KCNQ5: variants seen among roughly 807,000 people sequenced by gnomAD.
The protein encoded by KCNQ5 is potassium voltage-gated channel subfamily Q member 5.
A neutral mutation model predicts 98.2 loss-of-function variants in KCNQ5; 30 were observed. The ratio of observed to expected loss-of-function variants is 0.31; its 90% CI spans 0.23 to 0.41. The LOEUF is 0.41. KCNQ5 is among the 10% of genes least tolerant of loss of function. The pLI is 1.00. For synonymous variants in KCNQ5, 458 were observed against 449.4 expected, an observed-to-expected ratio of 1.02 and a Z score of -0.24; for missense variants, 835 against 1,182.5, an observed-to-expected ratio of 0.71 and a Z score of 4.31.
At chr6:72,862,402 CT>C (rs1009895052) in intron 1 of KCNQ5, among the ~76,000 whole-genome samples, 1 of 152,172 alleles carries the variant, frequency 6.6e-6, no homozygotes, top group African/African-American at 2.4e-5. Context: ...AAATAACTTG[CT>C]TCCTCATTAT....
At chr6:72,706,005 T>C (rs1270087376) in intron 1 of KCNQ5, among the ~76,000 whole-genome samples, 1 of 152,116 alleles carries the variant, frequency 6.6e-6, no homozygotes, top group Non-Finnish European at 1.5e-5. Flanking sequence ...CATAAATTGA[T>C]TTTGCAATAA....
chr6:73,018,693 G>C (rs1770459872), intron 2 of KCNQ5, among the ~76,000 whole-genome samples: 1 of 152,086 alleles, frequency 6.6e-6, no homozygotes, highest in Admixed American at 6.6e-5. Context: ...AGTTAAATCA[G>C]GTGGAGAATG....
At chr6:73,008,352 A>G (rs1426040694) in intron 2 of KCNQ5, among the ~76,000 whole-genome samples, 2 of 152,178 alleles carry the variant, frequency 1.3e-5, no homozygotes, top group Non-Finnish European at 2.9e-5. Context: ...AACTGTGTAT[A>G]TGCTTAGTAC....
intron 3 of KCNQ5, among the ~76,000 whole-genome samples, chr6:73,047,192 T>C (rs1180805904): frequency 6.6e-6 from 1 of 152,242 alleles, no homozygotes; most frequent in East Asian, 1.9e-4. Flanking sequence ...GATACTATTA[T>C]GCTTATCATT....
At chr6:72,829,682 T>A (rs942763233) in intron 1 of KCNQ5, among the ~76,000 whole-genome samples, 2 of 152,070 alleles carry the variant, frequency 1.3e-5, no homozygotes, top group African/African-American at 4.8e-5. Flanking sequence ...GCCATAGAGG[T>A]TCTAGGAGAA....
intron 1 of KCNQ5, among the ~76,000 whole-genome samples, chr6:72,831,376 A>G (rs1776259546): frequency 6.6e-6 from 1 of 152,228 alleles, no homozygotes; most frequent in Admixed American, 6.5e-5. Context: ...TAGCACATAT[A>G]CACCATGGAA....
intron 1 of KCNQ5, among the ~76,000 whole-genome samples, chr6:72,651,015 A>G (rs55826353): frequency 0.13 from 19,602 of 152,056 alleles, 1,457 homozygotes; most frequent in Non-Finnish European, 0.18. Flanking sequence ...AATGCAGGAG[A>G]TAATATTTTG....
intron 1 of KCNQ5, among the ~76,000 whole-genome samples, chr6:72,684,501 T>C (rs1767856134): frequency 6.6e-6 from 1 of 152,264 alleles, no homozygotes; most frequent in African/African-American, 2.4e-5. Flanking sequence ...GACTTGCCTC[T>C]GCCACCTGGG....
intron 11 of KCNQ5, among the ~76,000 whole-genome samples, chr6:73,173,532 T>C (rs1296586112): frequency 6.6e-6 from 1 of 152,214 alleles, no homozygotes; most frequent in East Asian, 1.9e-4. Context: ...ATCTGGCTAA[T>C]TGGGACTATC....
intron 1 of KCNQ5, among the ~76,000 whole-genome samples, chr6:72,778,078 AGAGT>A (rs1204763937): frequency 6.6e-6 from 1 of 152,162 alleles, no homozygotes; most frequent in Non-Finnish European, 1.5e-5. Flanking sequence ...TTTTTCAAGG[AGAGT>A]CTCTAGCATA....
intron 10 of KCNQ5, among the ~76,000 whole-genome samples, chr6:73,138,308 A>T (rs1776554818): frequency 2.0e-5 from 3 of 152,238 alleles, no homozygotes; most frequent in Admixed American, 6.5e-5. Context: ...AAAATCCACA[A>T]GAATGATACT....
chr6:72,936,303 T>C (rs562758039), intron 1 of KCNQ5, among the ~76,000 whole-genome samples: 1 of 152,364 alleles, frequency 6.6e-6, no homozygotes, highest in South Asian at 2.1e-4. Flanking sequence ...TTTTACTCAC[T>C]TTTTTATTTT....
intron 1 of KCNQ5, among the ~76,000 whole-genome samples, chr6:72,717,736 A>G (rs1418674744): frequency 6.6e-6 from 1 of 152,154 alleles, no homozygotes; most frequent in Non-Finnish European, 1.5e-5. Context: ...CTGCCTGTAG[A>G]TTTTTGTTAT....
At chr6:73,077,572 C>A in intron 4 of KCNQ5, 75 bp downstream of exon 4, 1 of 1,458,906 alleles carries the variant, frequency 6.9e-7, no homozygotes, top group South Asian at 1.3e-5. Flanking sequence ...GTTAATAAAC[C>A]TGTCACAAGA....
At chr6:72,785,146 T>C (rs530884632) in intron 1 of KCNQ5, among the ~76,000 whole-genome samples, 60 of 152,272 alleles carry the variant, frequency 3.9e-4, no homozygotes, top group African/African-American at 1.4e-3. Flanking sequence ...CTTATATCGT[T>C]GAAGACAAAC....
chr6:73,197,626 CACACACACACACACA>C lies in KCNQ5; in HGVS notation c.*2213_*2227del, dbSNP rs1562232098. The stretch of plus-strand genomic sequence containing the variant: ...ACACACACACACACACACACACACA[CACACACACACACACA>C]CCCCTCCACTGACCTAAAGCCAGAC... On this transcript the variant is annotated 3_prime_UTR_variant, in exon 14 of 14. Coordinates refer to ENST00000370398, the MANE Select transcript of KCNQ5 (RefSeq NM_019842.4). The C allele has an allele frequency of 2.3e-3, 278 of 120,350 alleles. 3 individuals are homozygous for C. The highest frequency in any genetic ancestry group is 7.7e-3 in the African/African-American group (268 of 34,978). 7.5% of individuals were successfully genotyped at this position (120,350 alleles called of 1,614,324 possible). A position where few individuals can be genotyped will look rare whatever the true frequency, so the allele number is the denominator to read the frequency against.
chr6:72,686,848 G>A (rs1767984017), intron 1 of KCNQ5, among the ~76,000 whole-genome samples: 1 of 150,938 alleles, frequency 6.6e-6, no homozygotes, highest in Non-Finnish European at 1.5e-5. Context: ...TGTTACTCAG[G>A]TGTTCTGTAT....
intron 1 of KCNQ5, among the ~76,000 whole-genome samples, chr6:72,770,330 T>C (rs975216449): frequency 4.6e-5 from 7 of 152,152 alleles, no homozygotes; most frequent in South Asian, 4.1e-4. Context: ...ATCTCACATA[T>C]TCTGCTTTTG....
intron 1 of KCNQ5, among the ~76,000 whole-genome samples, chr6:72,904,749 G>T (rs1214048638): frequency 5.3e-5 from 8 of 152,060 alleles, no homozygotes; most frequent in Non-Finnish European, 1.2e-4. Context: ...AATCTAATAG[G>T]TTTTCCTTTA....
Sources: allele counts gnomAD v4.1 joint callset (sites outside exome capture counted in the v4.1 genomes callset), GRCh38; gene constraint gnomAD v4.1.1; transcripts MANE v1.5; gene names NCBI Gene and HGNC (gene_info 2026-07-23, HGNC 2026-07-21).